The following AIF1L variants were observed in gnomAD, a reference collection of about 807,000 sequenced individuals.
The protein encoded by AIF1L is allograft inflammatory factor 1 like, also known as allograft inflammatory factor 1-like.
Under a neutral mutation model 20.7 loss-of-function variants are expected in AIF1L, and 12 were observed. The ratio of observed to expected loss-of-function variants is 0.58; its 90% CI spans 0.37 to 0.94. The LOEUF (loss-of-function observed/expected upper bound fraction) is 0.94, where lower values mean the gene tolerates loss of function less well. Ranked by LOEUF, AIF1L falls within the 40% of genes least tolerant of loss-of-function variation. The probability of loss-of-function intolerance (pLI) is 0.01; values close to 1 mark genes in which losing one functional copy is unlikely to be tolerated. For synonymous variants in AIF1L, 76 were observed against 65.1 expected, an observed-to-expected ratio of 1.17 and a Z score of -0.81; for missense variants, 173 against 185.3, an observed-to-expected ratio of 0.93 and a Z score of 0.39.
chr9:131,097,031 C>G (rs551568814), intron 2 of AIF1L, among the ~76,000 whole-genome samples, 168 bp downstream of exon 2: 1 of 152,214 alleles, frequency 6.6e-6, no homozygotes, highest in Non-Finnish European at 1.5e-5. Flanking sequence ...GCCTCCGACT[C>G]CAGGTAGGTC....
At chr9:131,096,948 C>T in intron 2 of AIF1L, 85 bp downstream of exon 2, 1 of 1,384,942 alleles carries the variant, frequency 7.2e-7, no homozygotes, top group South Asian at 1.4e-5. Context: ...GCCGTGCCCG[C>T]CTCCAGATCT....
chr9:131,107,444 CA>C (rs1366743866), intron 2 of AIF1L, among the ~76,000 whole-genome samples: 1 of 152,206 alleles, frequency 6.6e-6, no homozygotes, highest in African/African-American at 2.4e-5. Flanking sequence ...AACCAGACCC[CA>C]GGGGCTGGGA....
chr9:131,103,058 G>A (rs898050760), intron 2 of AIF1L: 7 of 451,334 alleles, frequency 1.6e-5, no homozygotes, highest in African/African-American at 6.0e-5. Context: ...GGACAGGCAC[G>A]GCAGGGGCTG....
intron 3 of AIF1L, among the ~76,000 whole-genome samples, chr9:131,113,497 CAAAAAAAA>C (rs3057292): frequency 2.0e-5 from 1 of 49,332 alleles, no homozygotes; most frequent in Non-Finnish European, 3.7e-5. Flanking sequence ...GACTCCATCT[CAAAAAAAA>C]AAAAAAAAAA....
chr9:131,116,513 C>G (rs1026782199), intron 4 of AIF1L, among the ~76,000 whole-genome samples: 9 of 152,188 alleles, frequency 5.9e-5, no homozygotes, highest in Non-Finnish European at 1.0e-4. Flanking sequence ...ATCCGCCTGC[C>G]TCGTCGTCCC....
chr9:131,113,676 A>AT (rs1340576672), intron 3 of AIF1L, among the ~76,000 whole-genome samples: 3 of 151,656 alleles, frequency 2.0e-5, no homozygotes, highest in African/African-American at 7.3e-5. Flanking sequence ...TCTAAAAAAA[A>AT]GAAGAAAAAG....
At chr9:131,115,264 A>G (rs1435430261) in intron 4 of AIF1L, among the ~76,000 whole-genome samples, 4 of 151,982 alleles carry the variant, frequency 2.6e-5, no homozygotes, top group Non-Finnish European at 4.4e-5. Context: ...AGCCTGGCCA[A>G]CATGACGAAA....
At chr9:131,099,175 C>G (rs964344409) in intron 2 of AIF1L, among the ~76,000 whole-genome samples, 2 of 152,192 alleles carry the variant, frequency 1.3e-5, no homozygotes, top group Non-Finnish European at 2.9e-5. Flanking sequence ...GCTATCAGGA[C>G]AGTTTCTTTG....
intron 2 of AIF1L, chr9:131,106,353 G>T: frequency 1.0e-6 from 1 of 997,364 alleles, no homozygotes; most frequent in South Asian, 1.4e-5. Flanking sequence ...CATTCTAGCC[G>T]GGGAGGCAGA....
chr9:131,099,729 C>CTTT (rs5900920), intron 2 of AIF1L, among the ~76,000 whole-genome samples: 1 of 113,048 alleles, frequency 8.8e-6, no homozygotes, highest in African/African-American at 3.4e-5. Flanking sequence ...TCAGCCTTAG[C>CTTT]TTTTTTTTTT....
chr9:131,114,341 GC>G lies in AIF1L; in HGVS notation c.161-231del, dbSNP rs1830960461. ...CCCTCCTGGTAAGAGGGTCAGAGTG[GC>G]CCCCAGCCATCTTTCCCTCGTGGCA... On this transcript the variant is annotated intron_variant, in intron 3 of 5. Transcript: ENST00000247291. 3 of 510,880 alleles carry G rather than the reference GC, an allele frequency of 5.9e-6. No homozygotes were observed. In the South Asian group the frequency reaches 6.2e-5, roughly 11 times the overall value. 31.6% of individuals were successfully genotyped at this position (510,880 alleles called of 1,614,324 possible). A position where few individuals can be genotyped will look rare whatever the true frequency, so the allele number is the denominator to read the frequency against.
intron 2 of AIF1L, among the ~76,000 whole-genome samples, chr9:131,100,023 C>T (rs963945753): frequency 1.3e-5 from 2 of 152,062 alleles, no homozygotes; most frequent in Non-Finnish European, 2.9e-5. Flanking sequence ...CACCCCACCC[C>T]GCCCAAATTT....
chr9:131,106,050 C>A, intron 2 of AIF1L: 1 of 959,298 alleles, frequency 1.0e-6, no homozygotes, highest in Non-Finnish European at 1.5e-6. Flanking sequence ...AACTTCTGGC[C>A]TCAAGTGATC....
chr9:131,120,327 C>T lies in AIF1L; in HGVS notation c.*5C>T, dbSNP rs184107157. On this transcript the variant is annotated 3_prime_UTR_variant, in exon 6 of 6. Coordinates refer to ENST00000247291, the MANE Select transcript of AIF1L (RefSeq NM_031426.4). Reference sequence around the variant, plus strand: ...GACATTGCTAGCCTGCCCTGAGGACCCCGCCTGGACTCCCCAGCCTTCCCA... The same window carrying T: ...GACATTGCTAGCCTGCCCTGAGGACTCCGCCTGGACTCCCCAGCCTTCCCA... 5.7e-5 allele frequency: 92 copies of T among 1,606,186 alleles called. No homozygotes were observed. Among genetic ancestry groups the T allele is most frequent in the Admixed American group, 5.7e-4 (33 of 58,086 alleles).
At chr9:131,115,600 C>G (rs185457058) in intron 4 of AIF1L, among the ~76,000 whole-genome samples, 406 of 152,062 alleles carry the variant, frequency 2.7e-3, no homozygotes, top group African/African-American at 9.5e-3. Context: ...ATGCTGCTAC[C>G]GGCATTTCTA....
intron 5 of AIF1L, among the ~76,000 whole-genome samples, chr9:131,119,723 G>A (rs150469523): frequency 6.6e-6 from 1 of 152,240 alleles, no homozygotes; most frequent in African/African-American, 2.4e-5. Context: ...CCAAGGATCA[G>A]AGAGGTCAAG....
At chr9:131,120,171 G>A (rs1831103760) in intron 5 of AIF1L, 64 bp from the exon 6 acceptor site, 3 of 1,470,286 alleles carry the variant, frequency 2.0e-6, no homozygotes, top group Non-Finnish European at 2.8e-6. Context: ...ATCTTTCCCT[G>A]GATGAGGGAA....
At chr9:131,104,490 C>T (rs1461372405) in intron 2 of AIF1L, among the ~76,000 whole-genome samples, 3 of 152,146 alleles carry the variant, frequency 2.0e-5, no homozygotes, top group Non-Finnish European at 4.4e-5. Flanking sequence ...TTGTTTGGGG[C>T]AGGCATAGAC....
intron 3 of AIF1L, among the ~76,000 whole-genome samples, chr9:131,113,106 C>T (rs927520913): frequency 4.0e-5 from 6 of 151,890 alleles, no homozygotes; most frequent in African/African-American, 1.2e-4. Context: ...AACAGAGAGC[C>T]GGGAAATACA....
Sources: gnomAD v4.1 joint callset for allele counts (sites outside exome capture counted in the v4.1 genomes callset) on GRCh38, gnomAD v4.1.1 for gene constraint, MANE v1.5 for transcripts, NCBI Gene and HGNC (gene_info 2026-07-23, HGNC 2026-07-21) for gene names.